Variants in SLC1A6 observed in about 807,000 individuals in gnomAD.
SLC1A6 encodes the protein solute carrier family 1 member 6, also known as excitatory amino acid transporter 4.
A neutral mutation model predicts 42.1 loss-of-function variants in SLC1A6; 15 were observed. The ratio of observed to expected loss-of-function variants is 0.36; its 90% confidence interval spans 0.24 to 0.55. SLC1A6 has a LOEUF of 0.55. SLC1A6 is among the 20% of genes least tolerant of loss of function. SLC1A6 has a pLI of 0.88. For missense variants in SLC1A6, 542 were observed against 772.5 expected, an observed-to-expected ratio of 0.70 and a Z score of 3.54; for synonymous variants, 317 against 319.7, an observed-to-expected ratio of 0.99 and a Z score of 0.09.
intron 1 of SLC1A6, among the ~76,000 whole-genome samples, chr19:14,991,262 G>T (rs1328890020): frequency 6.6e-6 from 1 of 151,986 alleles, no homozygotes; most frequent in Non-Finnish European, 1.5e-5. Flanking sequence ...CTTCCTTTTG[G>T]GGCGATTGAA....
intron 9 of SLC1A6, 126 bp from the exon 10 acceptor site, chr19:14,950,516 C>T: frequency 1.8e-6 from 1 of 555,136 alleles, no homozygotes. Flanking sequence ...CAATCCATGA[C>T]CACATGTCCC....
rs2045596973 is a variant in SLC1A6, at chr19:14,968,320, G to A, written c.531C>T (p.Ala177=). The change falls in exon 4 of 10, where the codon GCC becomes GCT. Residue 177 remains alanine, a synonymous_variant. Coordinates refer to ENST00000594383, the MANE Select transcript of SLC1A6 (RefSeq NM_005071.3). The part of the protein sequence containing the change: ...GRIETIPTAD[A]FMDLIRNMFP... ...TGGCACACCTGATCAGGTCCATGAA[G>A]GCATCAGCTGTGGGGATGGTCTCGA... The A allele has an allele frequency of 1.9e-6, 3 of 1,613,136 alleles. No individual in the cohort carries two copies. The highest frequency in any genetic ancestry group is 2.5e-6 in the Non-Finnish European group (3 of 1,179,538).
chr19:14,964,452 A>G, intron 4 of SLC1A6, 91 bp from the exon 5 acceptor site: 1 of 1,024,714 alleles, frequency 9.8e-7, no homozygotes, highest in Non-Finnish European at 1.6e-6. Flanking sequence ...GAACAACAAT[A>G]GTGCAGCCAA....
chr19:14,986,101 A>ATT (rs34189680), intron 1 of SLC1A6, among the ~76,000 whole-genome samples: 4 of 145,860 alleles, frequency 2.7e-5, no homozygotes, highest in African/African-American at 5.0e-5. Context: ...ACAAGCAGTA[A>ATT]TTTTTTTTTT....
intron 7 of SLC1A6, among the ~76,000 whole-genome samples, chr19:14,955,851 C>T (rs1023813584): frequency 6.6e-6 from 1 of 151,780 alleles, no homozygotes; most frequent in Non-Finnish European, 1.5e-5. Context: ...AGGAGAATCA[C>T]TTGAACCTAA....
At chr19:14,972,685 C>T (rs868124476) in intron 2 of SLC1A6, 21 bp downstream of exon 2, 1 of 1,607,812 alleles carries the variant, frequency 6.2e-7, no homozygotes, top group Non-Finnish European at 8.5e-7. Flanking sequence ...AAGTCCCCGC[C>T]CTCCAAGAGG....
Position 14,956,394 on chromosome 19 carries a change from AGAGG to A in SLC1A6, c.1169+78_1169+81del, listed in dbSNP as rs1366408699. 4 of 823,010 alleles carry A rather than the reference AGAGG, an allele frequency of 4.9e-6. No individual in the cohort carries two copies. In the African/African-American group the frequency reaches 6.9e-5, roughly 14 times the overall value. 51.0% of individuals were successfully genotyped at this position (823,010 alleles called of 1,614,324 possible). A position where few individuals can be genotyped will look rare whatever the true frequency, so the allele number is the denominator to read the frequency against. Reference sequence around the variant, plus strand: ...CTCAGAAGAGGTGTTTAAGGAATGGAGAGGGCAGGTGCCTTAGGAGAGGACATGA... The same window carrying A: ...CTCAGAAGAGGTGTTTAAGGAATGGAGCAGGTGCCTTAGGAGAGGACATGA... On this transcript the variant is annotated intron_variant, in intron 7 of 9. Coordinates refer to ENST00000594383, the MANE Select transcript of SLC1A6 (RefSeq NM_005071.3).
intron 1 of SLC1A6, among the ~76,000 whole-genome samples, chr19:14,976,458 C>A (rs1028436835): frequency 5.9e-5 from 9 of 152,140 alleles, no homozygotes; most frequent in Non-Finnish European, 4.4e-5. Context: ...AATAAAGTGT[C>A]TTTTACAGCA....
chr19:14,968,584 C>T, intron 3 of SLC1A6, 77 bp from the exon 4 acceptor site: 1 of 1,263,250 alleles, frequency 7.9e-7, no homozygotes, highest in Non-Finnish European at 1.1e-6. Context: ...TTCCACCCTC[C>T]CCATATCACC....
chr19:14,972,784 T>C lies in SLC1A6; in HGVS notation c.127A>G (p.Thr43Ala), dbSNP rs368973173. The C allele has an allele frequency of 1.2e-6, 2 of 1,613,674 alleles. No homozygotes were observed. Among genetic ancestry groups the C allele is most frequent in the Admixed American group, 1.7e-5 (1 of 59,978 alleles). ...CGCAGCACGTGCTCGAGGGTCATGGTCTGCAGGCGCAGGCGCGTGCGCAGT... is the reference window on the plus strand; with the variant it reads ...CGCAGCACGTGCTCGAGGGTCATGGCCTGCAGGCGCAGGCGCGTGCGCAGT... ...RALRTRLRLQ[T>A]MTLEHVLRFL... The change falls in exon 2 of 10, where the codon ACC (threonine) becomes GCC (alanine). Residue 43 changes from threonine (T) to alanine (A), a missense_variant. Transcript: ENST00000594383.
chr19:14,966,180 T>C (rs565769539), intron 4 of SLC1A6, among the ~76,000 whole-genome samples: 9 of 152,292 alleles, frequency 5.9e-5, no homozygotes, highest in South Asian at 2.1e-4. Flanking sequence ...CCAAAAGCTA[T>C]TGAAATTAAA....
At chr19:14,964,105 A>G in intron 5 of SLC1A6, 1 of 525,814 alleles carries the variant, frequency 1.9e-6, no homozygotes, top group Admixed American at 3.1e-5. Context: ...CTGGGATTAC[A>G]AGCCTGATCC....
At chr19:14,984,138 C>T (rs1290588555), upstream of SLC1A6, among the ~76,000 whole-genome samples, 3 of 151,916 alleles carry the variant, frequency 2.0e-5, no homozygotes, top group African/African-American at 4.8e-5. Flanking sequence ...GGAGAAACCC[C>T]GTCTCTACTA....
At chr19:15,002,399 G>C (rs2045876181) in intron 1 of SLC1A6, among the ~76,000 whole-genome samples, 1 of 152,190 alleles carries the variant, frequency 6.6e-6, no homozygotes, top group Non-Finnish European at 1.5e-5. Flanking sequence ...GCCTCCCAAA[G>C]TGCTGGAATT....
Position 14,952,976 on chromosome 19 carries a change from C to T in SLC1A6, c.1451G>A (p.Gly484Asp), listed in dbSNP as rs1051853473. Residue 484 changes from glycine (G) to aspartate (D), a missense_variant, in exon 9 of 10, where the codon GGC becomes GAC. Physicochemically the swap from Gly to Asp is moderately conservative, Grantham distance 94. Around this residue, in one of 6 missense-constraint regions of SLC1A6, gnomAD observed 54 missense variants for 125.1 expected, o/e 0.43. Coordinates refer to ENST00000594383, the MANE Select transcript of SLC1A6 (RefSeq NM_005071.3). ...GAGCGTGATGTCTTCCGTGGGCAAGCCGACCGACGTAAGCACAATGACCAT... is the reference window on the plus strand; with the variant it reads ...GAGCGTGATGTCTTCCGTGGGCAAGTCGACCGACGTAAGCACAATGACCAT... ...VTMVIVLTSV[G>D]LPTEDITLII... The T allele has an allele frequency of 2.5e-6, 4 of 1,614,022 alleles. No individual in the cohort carries two copies. The highest frequency in any genetic ancestry group is 3.4e-6 in the Non-Finnish European group (4 of 1,179,984).
At chr19:14,967,025 C>T (rs2045581924) in intron 4 of SLC1A6, among the ~76,000 whole-genome samples, 1 of 151,982 alleles carries the variant, frequency 6.6e-6, no homozygotes, top group Non-Finnish European at 1.5e-5. Context: ...GCACATGTAT[C>T]CCAGAACTTA....
chr19:14,985,988 A>G (rs1305553090), intron 1 of SLC1A6, among the ~76,000 whole-genome samples: 1 of 152,078 alleles, frequency 6.6e-6, no homozygotes, highest in Non-Finnish European at 1.5e-5. Flanking sequence ...ACAGACACAC[A>G]CACAGACTAA....
intron 4 of SLC1A6, among the ~76,000 whole-genome samples, chr19:14,966,509 C>T (rs1396503731): frequency 2.0e-5 from 3 of 151,816 alleles, no homozygotes; most frequent in Non-Finnish European, 2.9e-5. Context: ...AGAGTAAAGG[C>T]AACTATTAAT....
intron 1 of SLC1A6, among the ~76,000 whole-genome samples, chr19:15,000,772 G>T (rs567568018): frequency 1.3e-5 from 2 of 152,164 alleles, no homozygotes; most frequent in East Asian, 1.9e-4. Flanking sequence ...TATACACATG[G>T]CCAACTTGTC....
Sources: gnomAD v4.1 joint callset for allele counts (sites outside exome capture counted in the v4.1 genomes callset) on GRCh38, gnomAD v4.1.1 for gene constraint, gnomAD v4.1.1 regional missense constraint, MANE v1.5 for transcripts, NCBI Gene and HGNC (gene_info 2026-07-23, HGNC 2026-07-21) for gene names.